TAF4: variants seen among roughly 807,000 people sequenced by gnomAD.
TAF4 encodes the protein TATA-box binding protein associated factor 4.
TAF4 carries 9 observed loss-of-function variants against 90.3 expected under a neutral mutation model. The observed-to-expected ratio is 0.10, with a 90% CI of 0.06 to 0.17. TAF4 has a LOEUF of 0.17. TAF4 is among the 10% of genes least tolerant of loss of function. The pLI, the probability that TAF4 is intolerant of heterozygous loss-of-function variation, is 1.00. For missense variants in TAF4, 1,351 were observed against 1,370.7 expected, an observed-to-expected ratio of 0.99 and a Z score of 0.23; for synonymous variants, 818 against 638.9, an observed-to-expected ratio of 1.28 and a Z score of -4.23.
intron 10 of TAF4, 43 bp downstream of exon 10, chr20:62,000,509 C>T (rs751576773): frequency 6.3e-6 from 10 of 1,590,038 alleles, no homozygotes; most frequent in African/African-American, 4.0e-5. Context: ...GCCCCAGCAG[C>T]GCAGCTGTTT....
chr20:62,059,462 C>T (rs1197487090), intron 1 of TAF4, among the ~76,000 whole-genome samples: 1 of 152,190 alleles, frequency 6.6e-6, no homozygotes, highest in African/African-American at 2.4e-5. Flanking sequence ...CTTCATTATT[C>T]CACGCAAGAA....
intron 14 of TAF4, among the ~76,000 whole-genome samples, chr20:61,996,969 G>A (rs1281386512): frequency 1.3e-5 from 2 of 152,066 alleles, no homozygotes; most frequent in Non-Finnish European, 2.9e-5. Context: ...GAAGAGTACC[G>A]GAGATGGCAA....
Position 62,014,643 on chromosome 20 carries a change from C to T in TAF4, c.1425G>A (p.Gln475=). 1.2e-6 allele frequency: 2 copies of T among 1,614,078 alleles called. No individual in the cohort carries two copies. Among genetic ancestry groups the T allele is most frequent in the Non-Finnish European group, 1.7e-6 (2 of 1,179,994 alleles). ...GCTGGGCATGGGCCTGCGCCTGCAT[C>T]TGGGCCAAGGCCTGCTGAGGAATCA... ...LLMIPQQALA[Q]MQAQAHAQPQ... Residue 475 remains glutamine (Q), a synonymous_variant, in exon 2 of 15, where the codon CAG becomes CAA. Transcript: ENST00000252996.
At chr20:62,035,610 G>A (rs1157231667) in intron 1 of TAF4, among the ~76,000 whole-genome samples, 3 of 152,134 alleles carry the variant, frequency 2.0e-5, no homozygotes, top group Non-Finnish European at 4.4e-5. Flanking sequence ...CATTTTAGAA[G>A]AAAATACAGA....
intron 1 of TAF4, among the ~76,000 whole-genome samples, chr20:62,029,175 G>A (rs1317873374): frequency 2.7e-5 from 4 of 147,124 alleles, no homozygotes; most frequent in East Asian, 2.0e-4. Context: ...TAGCCTGGGC[G>A]ACAGAGCGAG....
At chr20:62,060,774 T>C (rs1408237881) in intron 1 of TAF4, among the ~76,000 whole-genome samples, 2 of 152,170 alleles carry the variant, frequency 1.3e-5, no homozygotes, top group African/African-American at 2.4e-5. Flanking sequence ...CCCTCCCCTA[T>C]GTTGGCAACC....
intron 1 of TAF4, among the ~76,000 whole-genome samples, chr20:62,050,017 C>A (rs866028170): frequency 2.0e-5 from 3 of 152,166 alleles, no homozygotes; most frequent in Non-Finnish European, 2.9e-5. Context: ...CAGCCTCACC[C>A]GCTCACCCCA....
At chr20:62,022,818 T>C (rs1255354930) in intron 1 of TAF4, among the ~76,000 whole-genome samples, 3 of 152,028 alleles carry the variant, frequency 2.0e-5, no homozygotes, top group Non-Finnish European at 4.4e-5. Context: ...AATATTTTGC[T>C]AAAAATTAAA....
At position 62,006,485 on chromosome 20, in the gene TAF4, G is replaced by A. The variant is rs182330824; in HGVS notation, c.2223+25C>T. 6 of 1,473,798 alleles carry A rather than the reference G, an allele frequency of 4.1e-6. No homozygotes were observed. The Admixed American group carries it at 6.7e-5, about 16-fold the overall frequency. 91.3% of individuals were successfully genotyped at this position (1,473,798 alleles called of 1,614,324 possible). A position where few individuals can be genotyped will look rare whatever the true frequency, so the allele number is the denominator to read the frequency against. ...GAGCAGAGGCACGGTGGGCTGTGCA[G>A]ACCAGTCAGGCGCCCCTTCCATACC... is the stretch of plus-strand genomic sequence containing the variant. On this transcript the variant is annotated intron_variant, in intron 7 of 14. Transcript: ENST00000252996. This position sits in a 1 kb window ranked among gnomAD's most constrained non-coding sequence, Gnocchi z 7.0.
At chr20:62,061,708 T>C (rs1600867796) in intron 1 of TAF4, among the ~76,000 whole-genome samples, 1 of 152,236 alleles carries the variant, frequency 6.6e-6, no homozygotes. Context: ...AACTAGTGCT[T>C]TTCCGTGATC....
Position 62,064,797 on chromosome 20 carries a change from C to T in TAF4, c.1014G>A (p.Pro338=). ...GCGACTCGGCCTTGACCCCCGGCGC[C>T]GGCGCCGCAGCCGCCGCGCCGGGCC... ...QPGPGAAAAA[P]APGVKAESPK... The change falls in exon 1 of 15, where the codon CCG becomes CCA. Residue 338 remains proline, a synonymous_variant. Coordinates refer to ENST00000252996, the MANE Select transcript of TAF4 (RefSeq NM_003185.4). 2.0e-6 allele frequency: 2 copies of T among 1,020,886 alleles called. No homozygotes were observed. Among genetic ancestry groups the T allele is most frequent in the Non-Finnish European group, 2.3e-6 (2 of 855,608 alleles). The allele number at this position is 1,020,886 out of a possible 1,614,324, so 63.2% of individuals were successfully genotyped here.
chr20:62,050,554 A>G (rs1325058410), intron 1 of TAF4, among the ~76,000 whole-genome samples: 2 of 152,000 alleles, frequency 1.3e-5, no homozygotes, highest in Non-Finnish European at 2.9e-5. Flanking sequence ...ACCCACCAAA[A>G]CAAGAGTAAA....
intron 3 of TAF4, among the ~76,000 whole-genome samples, chr20:62,011,103 G>A (rs1007330520): frequency 3.9e-5 from 6 of 152,214 alleles, no homozygotes; most frequent in African/African-American, 7.2e-5. Flanking sequence ...AACCAGCCCC[G>A]CTTCCAGAGG....
At chr20:62,013,794 C>T (rs959891807) in intron 2 of TAF4, among the ~76,000 whole-genome samples, 1 of 152,244 alleles carries the variant, frequency 6.6e-6, no homozygotes, top group African/African-American at 2.4e-5. Flanking sequence ...TGGGGCCAGA[C>T]ACAGACACAC....
chr20:62,048,457 C>T (rs189556393), intron 1 of TAF4, among the ~76,000 whole-genome samples: 1 of 152,242 alleles, frequency 6.6e-6, no homozygotes, highest in African/African-American at 2.4e-5. Context: ...CCTAGCTAGC[C>T]CCTCCCTCCT....
intron 14 of TAF4, among the ~76,000 whole-genome samples, chr20:61,993,117 A>G (rs1211211569): frequency 1.3e-5 from 2 of 152,206 alleles, no homozygotes; most frequent in Non-Finnish European, 2.9e-5. Flanking sequence ...GTGGAGGAAG[A>G]GTCTCCAAAA....
chr20:62,061,758 C>CT (rs1263885947), intron 1 of TAF4, among the ~76,000 whole-genome samples: 1 of 152,246 alleles, frequency 6.6e-6, no homozygotes, highest in African/African-American at 2.4e-5. Context: ...TCACTAAAGA[C>CT]TGAGTTTTCT....
At chr20:62,064,253 T>C (rs1028001963) in intron 1 of TAF4, 198 bp downstream of exon 1, 51 of 507,240 alleles carry the variant, frequency 1.0e-4, no homozygotes, top group Non-Finnish European at 1.9e-5. Context: ...ACGCAGGCTA[T>C]GCCGACTCCC....
chr20:62,004,328 C>CTTTTTTTTTTTTT (rs60437230), intron 7 of TAF4, among the ~76,000 whole-genome samples: 13 of 117,196 alleles, frequency 1.1e-4, no homozygotes, highest in East Asian at 7.2e-4. Flanking sequence ...CTTTTCTTTT[C>CTTTTTTTTTTTTT]TTTTTTTTTT....
Sources: allele counts gnomAD v4.1 joint callset (sites outside exome capture counted in the v4.1 genomes callset), GRCh38; gene constraint gnomAD v4.1.1; non-coding constraint Gnocchi (gnomAD v3.1); transcripts MANE v1.5; gene names NCBI Gene and HGNC (gene_info 2026-07-23, HGNC 2026-07-21).